The following PTPRN2 variants were observed in gnomAD, a reference collection of about 807,000 sequenced individuals.
The protein encoded by PTPRN2 is receptor-type tyrosine-protein phosphatase N2.
In PTPRN2, 74 loss-of-function variants were observed where a neutral mutation model predicts 118.8. The observed-to-expected ratio is 0.62, with a 90% CI of 0.52 to 0.76. The LOEUF is 0.76. PTPRN2 is among the 30% of genes least tolerant of loss of function. The pLI is 0.00. For missense variants in PTPRN2, 1,481 were observed against 1,394.4 expected, an observed-to-expected ratio of 1.06 and a Z score of -0.99; for synonymous variants, 641 against 608.0, an observed-to-expected ratio of 1.05 and a Z score of -0.80.
intron 11 of PTPRN2, among the ~76,000 whole-genome samples, chr7:158,013,188 C>T (rs1806169904): frequency 6.6e-6 from 1 of 152,224 alleles, no homozygotes; most frequent in Non-Finnish European, 1.5e-5. Context: ...AGAGCAGGCT[C>T]CTTGAGGGAG....
intron 3 of PTPRN2, among the ~76,000 whole-genome samples, chr7:158,279,607 G>A (rs1222143335): frequency 1.3e-5 from 2 of 152,222 alleles, no homozygotes; most frequent in East Asian, 1.9e-4. Flanking sequence ...AGCCCAGCAG[G>A]TGCCGGCCAG....
chr7:158,585,427 G>A lies in PTPRN2; in HGVS notation c.112+2131C>T, dbSNP rs563204642. Among the ~76,000 whole-genome samples, 21 of 152,292 alleles carry A rather than the reference G, an allele frequency of 1.4e-4. No individual in the cohort carries two copies. In the South Asian group the frequency reaches 2.1e-3, roughly 15 times the overall value. ...CTGGAGTCCTCGAAACAATTTCAAC[G>A]ATGTCTGCATCCTTAATGTTTTCCC... On this transcript the variant is annotated intron_variant, in intron 1 of 22. Transcript: ENST00000389418.
chr7:157,587,045 C>T lies in PTPRN2; in HGVS notation c.2496+8193G>A, dbSNP rs1800714105. Among the ~76,000 whole-genome samples, 1 of 152,154 alleles carries T rather than the reference C, an allele frequency of 6.6e-6. No individual in the cohort carries two copies. The highest frequency in any genetic ancestry group is 6.5e-5 in the Admixed American group (1 of 15,280). ...GCTGATCAAGGAAGCTGCCCAGAGA[C>T]AGTGCATGGTGTGGAATCCAGGCCT... On this transcript the variant is annotated intron_variant, in intron 17 of 22. Coordinates refer to ENST00000389418, the MANE Select transcript of PTPRN2 (RefSeq NM_002847.5). This position sits in a 1 kb window ranked among gnomAD's most constrained non-coding sequence, Gnocchi z 5.3.
chr7:157,865,358 C>G (rs1364081938), intron 12 of PTPRN2: 3 of 152,252 alleles, frequency 2.0e-5, no homozygotes, highest in Non-Finnish European at 4.4e-5. Flanking sequence ...AACTGATCTG[C>G]TACCTGAGTT....
At chr7:158,331,002 C>G (rs1221734060) in intron 2 of PTPRN2, among the ~76,000 whole-genome samples, 1 of 78,840 alleles carries the variant, frequency 1.3e-5, no homozygotes, top group African/African-American at 4.9e-5. Flanking sequence ...GAGCTGACAC[C>G]CGCAGACGTC....
At chr7:157,577,984 TGGTGGGTCCTGCCCTG>T (rs1325421125) in intron 18 of PTPRN2, 21 bp downstream of exon 18, 2 of 1,539,904 alleles carry the variant, frequency 1.3e-6, no homozygotes, top group African/African-American at 2.7e-5. Context: ...CTCGTCCGGC[TGGTGGGTCCTGCCCTG>T]GGTGGCTCTG....
chr7:158,232,664 A>C (rs1829242458), intron 3 of PTPRN2, among the ~76,000 whole-genome samples: 1 of 152,154 alleles, frequency 6.6e-6, no homozygotes, highest in Non-Finnish European at 1.5e-5. Flanking sequence ...ATAGGCATAG[A>C]CACAAAAATC....
intron 13 of PTPRN2, among the ~76,000 whole-genome samples, chr7:157,670,021 C>G (rs1327804052): frequency 6.6e-6 from 1 of 152,228 alleles, no homozygotes; most frequent in Non-Finnish European, 1.5e-5. Context: ...GTCAGCATCC[C>G]TGGCCTCCAG....
chr7:157,827,825 G>A (rs552109871), intron 12 of PTPRN2, among the ~76,000 whole-genome samples: 12 of 152,350 alleles, frequency 7.9e-5, no homozygotes, highest in African/African-American at 2.4e-4. Context: ...ACTCAGGGAC[G>A]GCCACCGTGT....
chr7:157,892,400 A>G (rs1199038782), intron 12 of PTPRN2, among the ~76,000 whole-genome samples: 3 of 152,240 alleles, frequency 2.0e-5, no homozygotes, highest in Non-Finnish European at 2.9e-5. Context: ...GATATCAGAA[A>G]TTAGATTTTG....
At chr7:158,071,112 T>C (rs1585332588) in intron 11 of PTPRN2, among the ~76,000 whole-genome samples, 2 of 85,416 alleles carry the variant, frequency 2.3e-5, no homozygotes, top group South Asian at 5.1e-4. Flanking sequence ...CTCGTGGTGG[T>C]GGAGGTGCCC....
At chr7:158,091,017 C>T (rs1222283135) in intron 10 of PTPRN2, among the ~76,000 whole-genome samples, 1 of 152,204 alleles carries the variant, frequency 6.6e-6, no homozygotes, top group East Asian at 1.9e-4. Context: ...AAATCTCTGA[C>T]AAAAGCTTCC....
chr7:158,407,749 G>A lies in PTPRN2; in HGVS notation c.163+81986C>T, dbSNP rs116382665. On this transcript the variant is annotated intron_variant, in intron 2 of 22. Coordinates refer to ENST00000389418, the MANE Select transcript of PTPRN2 (RefSeq NM_002847.5). ...GGATTGAGACAGAAGACCCTGGGCC[G>A]CTCAAGCAGAGCCCGGCTGCAGCCC... Among the ~76,000 whole-genome samples, 603 of 152,026 alleles carry A rather than the reference G, an allele frequency of 4.0e-3. 4 individuals carry two copies. The highest frequency in any genetic ancestry group is 0.013 in the African/African-American group (554 of 41,344).
intron 3 of PTPRN2, among the ~76,000 whole-genome samples, chr7:158,313,103 T>G (rs191093589): frequency 1.3e-5 from 2 of 152,136 alleles, no homozygotes; most frequent in African/African-American, 4.8e-5. Flanking sequence ...TGTATGAGTG[T>G]GCAAGTGTGT....
intron 2 of PTPRN2, among the ~76,000 whole-genome samples, chr7:158,321,894 T>G (rs1803049411): frequency 6.6e-6 from 1 of 152,214 alleles, no homozygotes; most frequent in Non-Finnish European, 1.5e-5. Context: ...CCAAACTTAC[T>G]GTGCGTGCCC....
intron 12 of PTPRN2, among the ~76,000 whole-genome samples, chr7:157,689,005 A>AG (rs1036031935): frequency 1.3e-5 from 2 of 152,112 alleles, no homozygotes; most frequent in African/African-American, 4.8e-5. Context: ...CTGGCCACAG[A>AG]GCGCGCCGGC....
chr7:158,113,769 G>A lies in PTPRN2; in HGVS notation c.1557-2854C>T, dbSNP rs181330273. Among the ~76,000 whole-genome samples, 18 of 136,314 alleles carry A rather than the reference G, an allele frequency of 1.3e-4. No homozygotes were observed. The South Asian group carries it at 1.4e-3, about 10-fold the overall frequency. The allele number at this position is 136,314 out of a possible 152,430, so 89.4% of individuals were successfully genotyped here. On this transcript the variant is annotated intron_variant, in intron 9 of 22. Coordinates refer to ENST00000389418, the MANE Select transcript of PTPRN2 (RefSeq NM_002847.5). ...TGCAACAAGAAAGCCATCTGATGGC[G>A]TCGACGCTACAAGCTGTTGTTGTGG... is the stretch of plus-strand genomic sequence containing the variant.
intron 14 of PTPRN2, among the ~76,000 whole-genome samples, chr7:157,650,529 G>A (rs1805581732): frequency 3.3e-5 from 5 of 152,178 alleles, no homozygotes; most frequent in Admixed American, 3.3e-4. Context: ...TCAGGCCTCC[G>A]CGCCAGCACC....
chr7:157,816,774 G>T (rs1393920709), intron 12 of PTPRN2, among the ~76,000 whole-genome samples: 1 of 152,192 alleles, frequency 6.6e-6, no homozygotes, highest in Non-Finnish European at 1.5e-5. Flanking sequence ...CTGCCCTGGC[G>T]TTGAGTGCTT....
Sources: gnomAD v4.1 joint callset for allele counts (sites outside exome capture counted in the v4.1 genomes callset) on GRCh38, gnomAD v4.1.1 for gene constraint, Gnocchi (gnomAD v3.1) non-coding constraint, MANE v1.5 for transcripts, NCBI Gene and HGNC (gene_info 2026-07-23, HGNC 2026-07-21) for gene names.